Variants in RALGPS1 observed in about 807,000 individuals in gnomAD.
RALGPS1 encodes the protein ras-specific guanine nucleotide-releasing factor RalGPS1.
Under a neutral mutation model 78.8 loss-of-function variants are expected in RALGPS1, and 19 were observed. The ratio of observed to expected loss-of-function variants is 0.24; its 90% confidence interval spans 0.17 to 0.35. The LOEUF (loss-of-function observed/expected upper bound fraction) is 0.35, where lower values mean the gene tolerates loss of function less well. RALGPS1 is among the 10% of genes least tolerant of loss of function. The probability of loss-of-function intolerance (pLI) is 1.00; values close to 1 mark genes in which losing one functional copy is unlikely to be tolerated. For missense variants in RALGPS1, 454 were observed against 688.3 expected, an observed-to-expected ratio of 0.66 and a Z score of 3.81; for synonymous variants, 228 against 256.3, an observed-to-expected ratio of 0.89 and a Z score of 1.06.
At chr9:127,088,875 G>T (rs956737908) in intron 8 of RALGPS1, 9 of 1,586,990 alleles carry the variant, frequency 5.7e-6, no homozygotes, top group Non-Finnish European at 6.9e-6. Flanking sequence ...TCTTTGTGCT[G>T]TGGCCAGCGT....
intron 4 of RALGPS1, among the ~76,000 whole-genome samples, chr9:126,995,070 A>G (rs929058752): frequency 1.3e-5 from 2 of 152,362 alleles, no homozygotes; most frequent in Middle Eastern, 3.4e-3. Flanking sequence ...CACCCACTGC[A>G]AAAACATGCC....
chr9:127,069,404 C>T, intron 8 of RALGPS1, 48 bp downstream of exon 8: 1 of 1,593,062 alleles, frequency 6.3e-7, no homozygotes, highest in South Asian at 1.1e-5. Context: ...CTACTCGGTG[C>T]CAAATAAGAT....
At chr9:127,030,357 C>T (rs2046321763) in intron 4 of RALGPS1, among the ~76,000 whole-genome samples, 1 of 151,940 alleles carries the variant, frequency 6.6e-6, no homozygotes, top group South Asian at 2.1e-4. Context: ...AAAGAGCAGC[C>T]GGAAAATAAG....
At chr9:127,047,513 A>G (rs1476584519) in intron 5 of RALGPS1, among the ~76,000 whole-genome samples, 2 of 152,126 alleles carry the variant, frequency 1.3e-5, no homozygotes, top group Admixed American at 6.5e-5. Context: ...AGCCTGGCCA[A>G]TACGGTGAAA....
intron 1 of RALGPS1, among the ~76,000 whole-genome samples, chr9:126,923,154 C>T (rs1391074847): frequency 2.6e-5 from 4 of 152,160 alleles, no homozygotes; most frequent in African/African-American, 7.2e-5. Context: ...GTTGTTAGAT[C>T]GGAGGTTCTG....
At chr9:127,173,015 A>G (rs1454756783) in intron 10 of RALGPS1, among the ~76,000 whole-genome samples, 1 of 151,960 alleles carries the variant, frequency 6.6e-6, no homozygotes, top group African/African-American at 2.4e-5. Context: ...CCCTCCTCCC[A>G]TGTGTGTGAG....
At chr9:127,113,187 CCT>C (rs1426908143) in intron 8 of RALGPS1, among the ~76,000 whole-genome samples, 3 of 152,120 alleles carry the variant, frequency 2.0e-5, no homozygotes, top group African/African-American at 4.8e-5. Context: ...GTTATTCACC[CCT>C]GTTTTATCAA....
chr9:127,045,673 A>G (rs1288949475), intron 5 of RALGPS1, among the ~76,000 whole-genome samples: 1 of 152,014 alleles, frequency 6.6e-6, no homozygotes, highest in Non-Finnish European at 1.5e-5. Context: ...AGCTTAATAC[A>G]GATATAGATG....
chr9:126,966,858 G>A (rs1405174130), intron 3 of RALGPS1, among the ~76,000 whole-genome samples: 1 of 152,162 alleles, frequency 6.6e-6, no homozygotes, highest in African/African-American at 2.4e-5. Context: ...TTGTGGTGGA[G>A]CAGTGTTAGC....
chr9:126,923,081 G>A (rs1293613829), intron 1 of RALGPS1, among the ~76,000 whole-genome samples: 1 of 152,152 alleles, frequency 6.6e-6, no homozygotes, highest in Non-Finnish European at 1.5e-5. Context: ...AGTGTTTATT[G>A]GATGAACAAA....
chr9:127,093,984 C>G lies in RALGPS1; in HGVS notation c.610+24628C>G, dbSNP rs545973105. On this transcript the variant is annotated intron_variant, in intron 8 of 18. Coordinates refer to ENST00000259351, the MANE Select transcript of RALGPS1 (RefSeq NM_014636.3). ...CCTGCCTGTCACCAGGCCGCACCCC[C>G]AGCTGCACCCCAAGCAGGCACAACC... is the stretch of plus-strand genomic sequence containing the variant. 2.9e-5 allele frequency: 45 copies of G among 1,568,328 alleles called. No individual in the cohort carries two copies. In the African/African-American group the frequency reaches 4.8e-4, roughly 17 times the overall value.
rs369770290 is a variant in RALGPS1, at chr9:126,997,707, G to A, written c.216+19962G>A. ...ATGGAACCAAAAAAGAGCCCACATC[G>A]CCAAGTGAATCCTAAGCCAAAAGAA... On this transcript the variant is annotated intron_variant, in intron 4 of 18. Coordinates refer to ENST00000259351, the MANE Select transcript of RALGPS1 (RefSeq NM_014636.3). 3.0e-3 allele frequency among the ~76,000 whole-genome samples: 455 copies of A among 152,220 alleles called. 7 individuals carry two copies. The highest frequency in any genetic ancestry group is 0.029 in the East Asian group (150 of 5,184).
At chr9:127,015,945 TCTC>T (rs931322564) in intron 4 of RALGPS1, among the ~76,000 whole-genome samples, 16 of 152,046 alleles carry the variant, frequency 1.1e-4, no homozygotes, top group Non-Finnish European at 2.1e-4. Context: ...TTCTCTCCCT[TCTC>T]CTCCTTTTTT....
chr9:126,945,619 C>T (rs1308838998), intron 1 of RALGPS1, among the ~76,000 whole-genome samples: 2 of 152,222 alleles, frequency 1.3e-5, no homozygotes, highest in South Asian at 2.1e-4. Context: ...CTCTTGCCTT[C>T]CCCTTTCTGC....
chr9:127,047,097 TTACA>T (rs1399985325), intron 5 of RALGPS1, among the ~76,000 whole-genome samples: 2 of 152,200 alleles, frequency 1.3e-5, no homozygotes, highest in African/African-American at 4.8e-5. Context: ...GCCACTTTTT[TTACA>T]TATACTTTTG....
At chr9:127,189,811 G>A (rs1343829829) in intron 11 of RALGPS1, among the ~76,000 whole-genome samples, 2 of 152,204 alleles carry the variant, frequency 1.3e-5, no homozygotes, top group Admixed American at 6.5e-5. Flanking sequence ...CGAGGGGCCA[G>A]AGCGGGCCAG....
chr9:127,217,403 A>G (rs1200807232), intron 18 of RALGPS1: 1 of 989,864 alleles, frequency 1.0e-6, no homozygotes, highest in African/African-American at 1.7e-5. Context: ...ATGGAATGCC[A>G]GGAGGGTGTA....
At chr9:126,954,110 C>A (rs1445646298) in intron 1 of RALGPS1, among the ~76,000 whole-genome samples, 1 of 152,208 alleles carries the variant, frequency 6.6e-6, no homozygotes, top group Non-Finnish European at 1.5e-5. Context: ...TCTTCTTTGA[C>A]CCCCAAAGGC....
At chr9:126,964,944 T>C (rs892670613) in intron 2 of RALGPS1, among the ~76,000 whole-genome samples, 13 of 152,206 alleles carry the variant, frequency 8.5e-5, no homozygotes, top group Non-Finnish European at 1.5e-4. Flanking sequence ...AACCACAAAA[T>C]CCTTCTTCGT....
Sources: allele counts gnomAD v4.1 joint callset (sites outside exome capture counted in the v4.1 genomes callset), GRCh38; gene constraint gnomAD v4.1.1; transcripts MANE v1.5; gene names NCBI Gene and HGNC (gene_info 2026-07-23, HGNC 2026-07-21).